The following HIBADH variants were observed in gnomAD, a reference collection of about 807,000 sequenced individuals.
The protein encoded by HIBADH is 3-hydroxyisobutyrate dehydrogenase, mitochondrial.
In HIBADH, 25 loss-of-function variants were observed where a neutral mutation model predicts 36.1. That is an observed-to-expected ratio of 0.69 (90% CI 0.50 to 0.97). HIBADH has a LOEUF of 0.97. Ranked by LOEUF, HIBADH falls within the 50% of genes least tolerant of loss-of-function variation. HIBADH has a pLI of 0.00. For missense variants in HIBADH, 421 were observed against 418.0 expected (o/e 1.01, Z -0.06); for synonymous variants, 160 against 149.5 (o/e 1.07, Z -0.51).
At chr7:27,530,949 C>CACACACAT (rs1783989015) in intron 7 of HIBADH, among the ~76,000 whole-genome samples, 3 of 151,906 alleles carry the variant, frequency 2.0e-5, no homozygotes, top group African/African-American at 7.3e-5. Flanking sequence ...CACACACACG[C>CACACACAT]ACACACATAC....
chr7:27,555,783 A>C (rs914807739), intron 4 of HIBADH, among the ~76,000 whole-genome samples: 2 of 152,232 alleles, frequency 1.3e-5, no homozygotes, highest in Non-Finnish European at 2.9e-5. Flanking sequence ...ATCTAGAGAC[A>C]TGATTCATGC....
At chr7:27,601,811 A>G (rs1430678290) in intron 4 of HIBADH, among the ~76,000 whole-genome samples, 1 of 152,116 alleles carries the variant, frequency 6.6e-6, no homozygotes, top group Non-Finnish European at 1.5e-5. Context: ...AGTTAACTAG[A>G]TTAAAGCACT....
chr7:27,624,648 T>C (rs1785609258), intron 4 of HIBADH, among the ~76,000 whole-genome samples: 1 of 152,224 alleles, frequency 6.6e-6, no homozygotes, highest in African/African-American at 2.4e-5. Context: ...ATTTCCCTCT[T>C]GAAATATATG....
At chr7:27,661,442 G>A (rs1035720502) in intron 1 of HIBADH, among the ~76,000 whole-genome samples, 3 of 152,000 alleles carry the variant, frequency 2.0e-5, no homozygotes, top group Non-Finnish European at 2.9e-5. Context: ...ACAAAAATTG[G>A]ACGGGCGTGG....
intron 4 of HIBADH, among the ~76,000 whole-genome samples, chr7:27,556,202 G>C (rs779006332): frequency 6.6e-5 from 10 of 152,140 alleles, no homozygotes; most frequent in Non-Finnish European, 1.3e-4. Flanking sequence ...ATACACGATA[G>C]TCATTCTGTG....
chr7:27,618,426 G>A (rs895660664), intron 4 of HIBADH, among the ~76,000 whole-genome samples: 6 of 152,156 alleles, frequency 3.9e-5, no homozygotes, highest in East Asian at 1.9e-4. Context: ...AACCAGTATC[G>A]CAGCCACCAC....
chr7:27,594,786 C>T lies in HIBADH; in HGVS notation c.484+34585G>A, dbSNP rs150248288. Among the ~76,000 whole-genome samples, 538 of 152,060 alleles carry T rather than the reference C, an allele frequency of 3.5e-3. 2 individuals carry two copies. The highest frequency in any genetic ancestry group is 0.012 in the African/African-American group (507 of 41,436). ...TCAACAATGAGATATCAACAGAGAG[C>T]TCAGAAAAAGACCCAAATACATGCT... On this transcript the variant is annotated intron_variant, in intron 4 of 7. Transcript: ENST00000265395.
chr7:27,655,210 TTAAAA>T (rs1443582453), intron 1 of HIBADH, among the ~76,000 whole-genome samples: 4 of 152,120 alleles, frequency 2.6e-5, no homozygotes, highest in Non-Finnish European at 5.9e-5. Flanking sequence ...GATCCTGACT[TTAAAA>T]AAAAGCTAGC....
chr7:27,599,773 T>C (rs1399646603), intron 4 of HIBADH, among the ~76,000 whole-genome samples: 1 of 150,948 alleles, frequency 6.6e-6, no homozygotes, highest in African/African-American at 2.4e-5. Flanking sequence ...GTTTAAAACA[T>C]TCAGTTTTTT....
At position 27,649,455 on chromosome 7, in the gene HIBADH, C is replaced by G. The variant is rs1456058924; in HGVS notation, c.252+18G>C. The G allele has an allele frequency of 6.4e-7, 1 of 1,552,502 alleles. No homozygotes were observed. Among genetic ancestry groups the G allele is most frequent in the Non-Finnish European group, 8.7e-7 (1 of 1,147,842 alleles). On this transcript the variant is annotated intron_variant, in intron 2 of 7. Coordinates refer to ENST00000265395, the MANE Select transcript of HIBADH (RefSeq NM_152740.4). ...TTCATTCTCAAAATCTAAAACAAAT[C>G]TAAAGAAAAGGTCTTACCTGTTCAC...
At chr7:27,527,866 G>A (rs138730184) in intron 7 of HIBADH, among the ~76,000 whole-genome samples, 4,433 of 136,882 alleles carry the variant, frequency 0.032, 114 homozygotes, top group South Asian at 0.099. Flanking sequence ...TTCTCCTCCC[G>A]CAGCCTCCTG....
At chr7:27,526,650 C>T (rs1257727092) in intron 7 of HIBADH, among the ~76,000 whole-genome samples, 1 of 151,962 alleles carries the variant, frequency 6.6e-6, no homozygotes, top group Admixed American at 6.6e-5. Flanking sequence ...AAAAAATTTC[C>T]CTGTGTAATC....
chr7:27,589,917 G>A (rs1784916714), intron 4 of HIBADH, among the ~76,000 whole-genome samples: 1 of 152,140 alleles, frequency 6.6e-6, no homozygotes. Flanking sequence ...TCTTCTCAAA[G>A]TTCTAGAAGT....
intron 4 of HIBADH, among the ~76,000 whole-genome samples, chr7:27,591,668 A>G (rs1216499842): frequency 1.3e-5 from 2 of 152,190 alleles, no homozygotes; most frequent in African/African-American, 4.8e-5. Context: ...AAGCATTTAC[A>G]TATACACACA....
intron 2 of HIBADH, 80 bp from the exon 3 acceptor site, chr7:27,632,525 A>C (rs1348343371): frequency 1.2e-6 from 1 of 818,646 alleles, no homozygotes; most frequent in African/African-American, 1.7e-5. Flanking sequence ...TCCACTTTTC[A>C]TGCATGCCTA....
intron 4 of HIBADH, among the ~76,000 whole-genome samples, chr7:27,599,145 A>G (rs1313913080): frequency 6.6e-6 from 1 of 152,210 alleles, no homozygotes; most frequent in Non-Finnish European, 1.5e-5. Context: ...AGCAAACATC[A>G]TATCAAAAAT....
chr7:27,609,168 C>T (rs987906118), intron 4 of HIBADH, among the ~76,000 whole-genome samples: 6 of 152,184 alleles, frequency 3.9e-5, no homozygotes, highest in Non-Finnish European at 8.8e-5. Context: ...ATCACCTTGC[C>T]TTCTCTAACA....
At chr7:27,568,921 A>ATTTT (rs70994661) in intron 4 of HIBADH, among the ~76,000 whole-genome samples, 1 of 144,302 alleles carries the variant, frequency 6.9e-6, no homozygotes, top group East Asian at 2.0e-4. Flanking sequence ...TTTTTTCCAA[A>ATTTT]TTTTTTTTTT....
At chr7:27,547,263 T>C (rs1170976450) in intron 4 of HIBADH, among the ~76,000 whole-genome samples, 1 of 152,218 alleles carries the variant, frequency 6.6e-6, no homozygotes, top group African/African-American at 2.4e-5. Flanking sequence ...CAGATACTCA[T>C]GACTGGTATA....
Sources: allele counts gnomAD v4.1 joint callset (sites outside exome capture counted in the v4.1 genomes callset), GRCh38; gene constraint gnomAD v4.1.1; transcripts MANE v1.5; gene names NCBI Gene and HGNC (gene_info 2026-07-23, HGNC 2026-07-21).